Variants in TRIM32 observed in about 807,000 individuals in gnomAD.
TRIM32 encodes E3 ubiquitin-protein ligase TRIM32.
Under a neutral mutation model 36.0 loss-of-function variants are expected in TRIM32, and 19 were observed. That is an observed-to-expected ratio of 0.53 (90% CI 0.37 to 0.77). TRIM32 has a LOEUF of 0.77. TRIM32 is among the 30% of genes least tolerant of loss of function. The probability of loss-of-function intolerance (pLI) is 0.00; values close to 1 mark genes in which losing one functional copy is unlikely to be tolerated. For missense variants in TRIM32, 747 were observed against 845.2 expected, an observed-to-expected ratio of 0.88 and a Z score of 1.44; for synonymous variants, 309 against 318.5, an observed-to-expected ratio of 0.97 and a Z score of 0.32.
intron 1 of TRIM32, among the ~76,000 whole-genome samples, chr9:116,695,419 C>G (rs1259360020): frequency 6.6e-6 from 1 of 152,134 alleles, no homozygotes; most frequent in East Asian, 1.9e-4. Flanking sequence ...GATAATTGTG[C>G]ATGTCTGCTG....
intron 1 of TRIM32, among the ~76,000 whole-genome samples, chr9:116,688,460 A>G (rs770795697): frequency 6.6e-6 from 1 of 152,186 alleles, no homozygotes; most frequent in Non-Finnish European, 1.5e-5. Flanking sequence ...CTGGATGAGT[A>G]TATGAAGATG....
chr9:116,688,156 T>C (rs948922278), intron 1 of TRIM32, among the ~76,000 whole-genome samples: 10 of 151,626 alleles, frequency 6.6e-5, no homozygotes, highest in Admixed American at 5.3e-4. Context: ...GATTTGGAAA[T>C]AGGGATTAAA....
At chr9:116,695,525 A>G (rs1860802149) in intron 1 of TRIM32, among the ~76,000 whole-genome samples, 1 of 152,204 alleles carries the variant, frequency 6.6e-6, no homozygotes, top group East Asian at 1.9e-4. Flanking sequence ...CTATGCCTGG[A>G]GAAAGAGTTG....
In TRIM32 at chr9:116,698,206, G is replaced by C. The variant is rs777914761; in HGVS notation, c.464G>C (p.Arg155Pro). The C allele has an allele frequency of 2.5e-6, 4 of 1,614,036 alleles. No individual in the cohort carries two copies. The African/African-American group carries it at 4.0e-5, about 16-fold the overall frequency. Reference sequence around the variant, plus strand: ...CGGGACTTTGGAGAGAAGTTAACTCGTCTGCGGGAACTTATGGGGGAGCTG... The same window carrying C: ...CGGGACTTTGGAGAGAAGTTAACTCCTCTGCGGGAACTTATGGGGGAGCTG... ...RRRDFGEKLT[R>P]LRELMGELQR... The change falls in exon 2 of 2, where the codon CGT becomes CCT. Residue 155 changes from arginine (R) to proline (P), a missense_variant. Physicochemically the swap from Arg to Pro is moderately radical, Grantham distance 103. Coordinates refer to ENST00000450136, the MANE Select transcript of TRIM32 (RefSeq NM_012210.4). This position sits in a 1 kb window ranked among gnomAD's most constrained non-coding sequence, Gnocchi z 4.4.
Position 116,687,363 on chromosome 9 carries a change from C to G in TRIM32, c.-100C>G, listed in dbSNP as rs1343705563. 5.7e-6 allele frequency: 2 copies of G among 352,678 alleles called. No individual in the cohort carries two copies. The highest frequency in any genetic ancestry group is 7.6e-6 in the Non-Finnish European group (2 of 263,194). 21.8% of individuals were successfully genotyped at this position (352,678 alleles called of 1,614,324 possible). A position where few individuals can be genotyped will look rare whatever the true frequency, so the allele number is the denominator to read the frequency against. Reference sequence around the variant, plus strand: ...GGTGGGCTGCCGGCGGTGGACTCGTCGGAGCCGCGGGCGGTCAGGTAGGGG... The same window carrying G: ...GGTGGGCTGCCGGCGGTGGACTCGTGGGAGCCGCGGGCGGTCAGGTAGGGG... On this transcript the variant is annotated 5_prime_UTR_variant, in exon 1 of 2. Coordinates refer to ENST00000450136, the MANE Select transcript of TRIM32 (RefSeq NM_012210.4).
chr9:116,699,109 C>A lies in TRIM32; in HGVS notation c.1367C>A (p.Thr456Asn). Residue 456 changes from threonine to asparagine, a missense_variant, in exon 2 of 2, where the codon ACC becomes AAC. Physicochemically the swap from Thr to Asn is moderately conservative, Grantham distance 65. Coordinates refer to ENST00000450136, the MANE Select transcript of TRIM32 (RefSeq NM_012210.4). The surrounding 1 kb of genome is among the most constrained non-coding windows in gnomAD (Gnocchi z 4.2). ...DSYDNSLKVY[T>N]LDGHCVACHR... ...TATGATAACTCCCTCAAGGTATATACCTTGGATGGCCACTGCGTGGCCTGT... is the reference window on the plus strand; with the variant it reads ...TATGATAACTCCCTCAAGGTATATAACTTGGATGGCCACTGCGTGGCCTGT... 4 of 1,614,042 alleles carry A rather than the reference C, an allele frequency of 2.5e-6. No individual in the cohort carries two copies. The highest frequency in any genetic ancestry group is 2.2e-5 in the South Asian group (2 of 91,080).
rs1860934947 is a variant in TRIM32 at position 116,697,684 on chromosome 9, A to G, written c.-59A>G. The G allele has an allele frequency of 3.1e-6, 5 of 1,607,952 alleles. No individual in the cohort carries two copies. Among genetic ancestry groups the G allele is most frequent in the South Asian group, 1.1e-5 (1 of 90,612 alleles). On this transcript the variant is annotated 5_prime_UTR_variant, in exon 2 of 2. An upstream start codon of the reference 5' UTR is lost. Coordinates refer to ENST00000450136, the MANE Select transcript of TRIM32 (RefSeq NM_012210.4). The stretch of plus-strand genomic sequence containing the variant: ...TAGCAGGAATTTGACCCTCTAGGGC[A>G]TGAATACTGTGCTGTTCAGTTCTGA...
intron 1 of TRIM32, chr9:116,697,364 AT>A (rs1462316863): frequency 1.1e-5 from 3 of 280,950 alleles, no homozygotes; most frequent in African/African-American, 6.5e-5. Context: ...TATTACTTCT[AT>A]TTTACAGATG....
At position 116,698,302 on chromosome 9, in the gene TRIM32, A is replaced by C; in HGVS notation, c.560A>C (p.Glu187Ala). 1 of 1,614,164 alleles carries C rather than the reference A, an allele frequency of 6.2e-7. No homozygotes were observed. Among genetic ancestry groups the C allele is most frequent in the Non-Finnish European group, 8.5e-7 (1 of 1,180,040 alleles). The change falls in exon 2 of 2, where the codon GAG (glutamate) becomes GCG (alanine). Residue 187 changes from glutamate (E) to alanine (A), a missense_variant. Transcript: ENST00000450136. The surrounding 1 kb of genome is among the most constrained non-coding windows in gnomAD (Gnocchi z 4.4). ...LQARYKAVLQ[E>A]YGHEERRVQD... ...GCAAGGTATAAAGCAGTTCTCCAGG[A>C]GTATGGGCATGAGGAGCGCAGGGTC...
intron 1 of TRIM32, among the ~76,000 whole-genome samples, chr9:116,691,241 A>G (rs1201275593): frequency 6.6e-6 from 1 of 152,152 alleles, no homozygotes; most frequent in Non-Finnish European, 1.5e-5. Flanking sequence ...TCATAATCTC[A>G]TGATTAAATG....
At chr9:116,690,322 G>C (rs911166986) in intron 1 of TRIM32, among the ~76,000 whole-genome samples, 2 of 152,188 alleles carry the variant, frequency 1.3e-5, no homozygotes, top group Non-Finnish European at 2.9e-5. Context: ...AAAAATAACA[G>C]GTTAAATGAC....
Position 116,687,351 on chromosome 9 carries a change from C to A in TRIM32, c.-112C>A. On this transcript the variant is annotated 5_prime_UTR_variant, in exon 1 of 2. Transcript: ENST00000450136. ...GGGAGGCAGGCGGGTGGGCTGCCGG[C>A]GGTGGACTCGTCGGAGCCGCGGGCG... 1 of 646,280 alleles carries A rather than the reference C, an allele frequency of 1.5e-6. No homozygotes were observed. Among genetic ancestry groups the A allele is most frequent in the Non-Finnish European group, 1.9e-6 (1 of 532,312 alleles). The allele number at this position is 646,280 out of a possible 1,614,324, so 40.0% of individuals were successfully genotyped here.
chr9:116,693,808 G>C (rs1020524357), intron 1 of TRIM32, among the ~76,000 whole-genome samples: 2 of 152,138 alleles, frequency 1.3e-5, no homozygotes, highest in African/African-American at 4.8e-5. Context: ...GTAGTCTTTT[G>C]GGGAAACTGA....
intron 1 of TRIM32, among the ~76,000 whole-genome samples, chr9:116,695,093 T>C (rs1191860150): frequency 6.6e-6 from 1 of 152,152 alleles, no homozygotes; most frequent in East Asian, 1.9e-4. Context: ...AAGGGAACAT[T>C]AGTTAATCAT....
Position 116,699,917 on chromosome 9 carries a change from G to A in TRIM32, c.*213G>A. 1.5e-6 allele frequency: 1 copy of A among 672,636 alleles called. No individual in the cohort carries two copies. The allele number at this position is 672,636 out of a possible 1,614,324, so 41.7% of individuals were successfully genotyped here. ...AATTTAGAGCTTTAAAAGATGCACT[G>A]CCCAAATAGGACACACGATGGTGTT... On this transcript the variant is annotated 3_prime_UTR_variant, in exon 2 of 2. Transcript: ENST00000450136. The surrounding 1 kb of genome is among the most constrained non-coding windows in gnomAD (Gnocchi z 4.2).
chr9:116,694,893 A>T (rs1860766036), intron 1 of TRIM32, among the ~76,000 whole-genome samples: 1 of 152,156 alleles, frequency 6.6e-6, no homozygotes, highest in Non-Finnish European at 1.5e-5. Flanking sequence ...TATATGGTAA[A>T]TATTATTTTG....
chr9:116,693,545 G>C (rs927331741), intron 1 of TRIM32, among the ~76,000 whole-genome samples: 7 of 152,190 alleles, frequency 4.6e-5, no homozygotes, highest in Admixed American at 6.5e-5. Flanking sequence ...AGTATGGTAT[G>C]GGATGTACAG....
chr9:116,699,096 C>T lies in TRIM32; in HGVS notation c.1354C>T (p.Leu452Phe), dbSNP rs747067557. ...TGTGACTGACAGCTATGATAACTCC[C>T]TCAAGGTATATACCTTGGATGGCCA... Reference protein sequence around the residue: ...IGVTDSYDNSLKVYTLDGHCV... With the variant: ...IGVTDSYDNSFKVYTLDGHCV... Residue 452 changes from leucine (L) to phenylalanine (F), a missense_variant, in exon 2 of 2, where the codon CTC becomes TTC. By Grantham distance (22) the Leu-to-Phe change is conservative (BLOSUM62 0). Coordinates refer to ENST00000450136, the MANE Select transcript of TRIM32 (RefSeq NM_012210.4). This position sits in a 1 kb window ranked among gnomAD's most constrained non-coding sequence, Gnocchi z 4.2. 118 of 1,613,912 alleles carry T rather than the reference C, an allele frequency of 7.3e-5. 1 individual carries two copies. The highest frequency in any genetic ancestry group is 9.5e-5 in the Non-Finnish European group (112 of 1,179,936).
chr9:116,688,230 C>G (rs1382869722), intron 1 of TRIM32, among the ~76,000 whole-genome samples: 1 of 151,962 alleles, frequency 6.6e-6, no homozygotes, highest in Non-Finnish European at 1.5e-5. Context: ...CAATATACAG[C>G]CCCAAAGATT....
Sources: allele counts gnomAD v4.1 joint callset (sites outside exome capture counted in the v4.1 genomes callset), GRCh38; gene constraint gnomAD v4.1.1; non-coding constraint Gnocchi (gnomAD v3.1); transcripts MANE v1.5; gene names NCBI Gene and HGNC (gene_info 2026-07-23, HGNC 2026-07-21).